OPCML: variants seen among roughly 807,000 people sequenced by gnomAD.
OPCML encodes the protein opioid-binding protein/cell adhesion molecule.
A neutral mutation model predicts 37.8 loss-of-function variants in OPCML; 13 were observed. That is an observed-to-expected ratio of 0.34 (90% confidence interval 0.22 to 0.55). The LOEUF (loss-of-function observed/expected upper bound fraction) is 0.55. OPCML is among the 20% of genes least tolerant of loss of function. OPCML has a pLI of 0.91. For synonymous variants in OPCML, 176 were observed against 168.8 expected, an observed-to-expected ratio of 1.04 and a Z score of -0.33; for missense variants, 341 against 435.6, an observed-to-expected ratio of 0.78 and a Z score of 1.93.
At chr11:132,495,211 C>T (rs2096227600) in intron 4 of OPCML, among the ~76,000 whole-genome samples, 2 of 152,164 alleles carry the variant, frequency 1.3e-5, no homozygotes, top group African/African-American at 2.4e-5. Flanking sequence ...TCCATTAGGA[C>T]TCTGTCTCTG....
intron 1 of OPCML, among the ~76,000 whole-genome samples, chr11:133,186,532 G>C (rs527595838): frequency 2.0e-5 from 3 of 151,980 alleles, no homozygotes; most frequent in African/African-American, 4.8e-5. Context: ...GAGAAAGTAG[G>C]GAAAATGGAG....
chr11:133,100,343 G>C (rs1160252038), intron 1 of OPCML, among the ~76,000 whole-genome samples: 1 of 152,100 alleles, frequency 6.6e-6, no homozygotes. Context: ...AAAGTAAAAG[G>C]CTAAGACTCA....
chr11:132,502,926 C>T (rs534579782), intron 4 of OPCML, among the ~76,000 whole-genome samples: 2 of 152,240 alleles, frequency 1.3e-5, no homozygotes, highest in East Asian at 1.9e-4. Flanking sequence ...AAAGCAGTTT[C>T]GCATCCCTTA....
At chr11:132,479,265 A>G (rs1339248702) in intron 4 of OPCML, among the ~76,000 whole-genome samples, 1 of 152,196 alleles carries the variant, frequency 6.6e-6, no homozygotes, top group Admixed American at 6.5e-5. Flanking sequence ...GGGGTGACAG[A>G]CGGCACCTGG....
intron 1 of OPCML, among the ~76,000 whole-genome samples, chr11:132,977,613 T>C (rs889889051): frequency 1.3e-5 from 2 of 152,196 alleles, no homozygotes; most frequent in African/African-American, 4.8e-5. Flanking sequence ...GTCCTTGAAT[T>C]GTATAAAGAA....
intron 4 of OPCML, among the ~76,000 whole-genome samples, chr11:132,443,471 C>A (rs1338307852): frequency 6.6e-6 from 1 of 152,152 alleles, no homozygotes; most frequent in East Asian, 1.9e-4. Flanking sequence ...ACAGACGATC[C>A]TGATCAACAC....
At chr11:132,551,718 A>G (rs1264213988) in intron 3 of OPCML, among the ~76,000 whole-genome samples, 1 of 152,136 alleles carries the variant, frequency 6.6e-6, no homozygotes, top group Non-Finnish European at 1.5e-5. Context: ...CATCTTCGAC[A>G]CAATTTGTCA....
intron 1 of OPCML, among the ~76,000 whole-genome samples, chr11:132,979,766 C>T (rs548323213): frequency 6.6e-6 from 1 of 152,216 alleles, no homozygotes; most frequent in East Asian, 1.9e-4. Context: ...ACAGTTGAGG[C>T]CCTGGGAGAG....
chr11:133,006,398 C>T (rs962807839), intron 1 of OPCML: 4 of 972,626 alleles, frequency 4.1e-6, no homozygotes, highest in Middle Eastern at 5.2e-4. Flanking sequence ...ACAAAGAACC[C>T]CATCTTTAGC....
chr11:133,373,446 T>TATATATATATATATATATATAC (rs1482064315), intron 1 of OPCML, among the ~76,000 whole-genome samples: 9 of 133,318 alleles, frequency 6.8e-5, no homozygotes, highest in Non-Finnish European at 9.4e-5. Flanking sequence ...TATATATATA[T>TATATATATATATATATATATAC]ATACACACAC....
intron 3 of OPCML, among the ~76,000 whole-genome samples, chr11:132,650,023 T>C (rs906286364): frequency 1.3e-5 from 2 of 152,128 alleles, no homozygotes; most frequent in Non-Finnish European, 2.9e-5. Context: ...GTATGGCTCT[T>C]TCCTCTGTGG....
rs1347777432 is a variant in OPCML at position 133,080,506 on chromosome 11, C to T, written c.62-137496G>A. On this transcript the variant is annotated intron_variant, in intron 1 of 7. Transcript: ENST00000524381. ...TTTTTTTTTTTTTTCCTAAAATAGG[C>T]TTTAGTCTCATCTGTGGAATGTTTT... 3.7e-5 allele frequency among the ~76,000 whole-genome samples: 5 copies of T among 133,536 alleles called. No homozygotes were observed. In the East Asian group the frequency reaches 8.8e-4, roughly 24 times the overall value. 87.6% of individuals were successfully genotyped at this position (133,536 alleles called of 152,430 possible).
At chr11:132,657,416 A>T (rs1160140303) in intron 2 of OPCML, 97 bp from the exon 3 acceptor site, 1 of 1,479,274 alleles carries the variant, frequency 6.8e-7, no homozygotes, top group Non-Finnish European at 9.0e-7. Flanking sequence ...CATTTTGAGG[A>T]GTAAATGAAA....
chr11:132,465,967 T>A (rs1202740158), intron 4 of OPCML, among the ~76,000 whole-genome samples: 1 of 152,232 alleles, frequency 6.6e-6, no homozygotes, highest in African/African-American at 2.4e-5. Flanking sequence ...AGCTCACTGC[T>A]TCACATTCCT....
intron 2 of OPCML, among the ~76,000 whole-genome samples, chr11:132,793,690 CAGT>C (rs1224059788): frequency 1.3e-5 from 2 of 152,172 alleles, no homozygotes; most frequent in Admixed American, 1.3e-4. Context: ...ATTGTCAGCT[CAGT>C]CTTGGAAGCA....
At chr11:133,320,882 A>G (rs548187039) in intron 1 of OPCML, among the ~76,000 whole-genome samples, 1 of 152,334 alleles carries the variant, frequency 6.6e-6, no homozygotes, top group South Asian at 2.1e-4. Context: ...AATACGCAGA[A>G]CACAATAACG....
At chr11:132,508,154 A>T (rs2096261409) in intron 4 of OPCML, among the ~76,000 whole-genome samples, 1 of 152,214 alleles carries the variant, frequency 6.6e-6, no homozygotes. Flanking sequence ...CTGCTTTGGA[A>T]TACGTTGATA....
rs114425991 is a variant in OPCML at position 132,465,573 on chromosome 11, T to C, written c.506-28214A>G. 7.9e-3 allele frequency among the ~76,000 whole-genome samples: 1,204 copies of C among 152,256 alleles called. 19 individuals carry two copies. The highest frequency in any genetic ancestry group is 0.026 in the African/African-American group (1,087 of 41,582). ...TTCTTATATTATTTTCTTAGAATTC[T>C]ATGTTATTTTGTGTATAGCATCTTT... On this transcript the variant is annotated intron_variant, in intron 4 of 7. Coordinates refer to ENST00000524381, the MANE Select transcript of OPCML (RefSeq NM_001012393.5).
chr11:133,127,069 T>C (rs556134792), intron 1 of OPCML, among the ~76,000 whole-genome samples: 1 of 152,256 alleles, frequency 6.6e-6, no homozygotes, highest in East Asian at 1.9e-4. Context: ...AATGAGAGTA[T>C]CTGTAAACCT....
Sources: gnomAD v4.1 joint callset for allele counts (sites outside exome capture counted in the v4.1 genomes callset) on GRCh38, gnomAD v4.1.1 for gene constraint, MANE v1.5 for transcripts, NCBI Gene and HGNC (gene_info 2026-07-23, HGNC 2026-07-21) for gene names.